The following TENM2 variants were observed in gnomAD, a reference collection of about 807,000 sequenced individuals.
TENM2 encodes teneurin transmembrane protein 2.
In TENM2, 52 loss-of-function variants were observed where a neutral mutation model predicts 245.2. The observed-to-expected ratio is 0.21, with a 90% CI of 0.17 to 0.27. The LOEUF is 0.27. Among genes scored for constraint, TENM2 ranks in the 10% least tolerant of loss-of-function variants. The pLI is 1.00. For synonymous variants in TENM2, 1,363 were observed against 1,438.9 expected (o/e 0.95, Z 1.19); for missense variants, 3,046 against 3,666.8 (o/e 0.83, Z 4.37).
the TENM2 span, among the ~76,000 whole-genome samples, chr5:167,275,677 A>G: frequency 6.6e-6 from 1 of 152,074 alleles, no homozygotes; most frequent in East Asian, 1.9e-4. Flanking sequence ...GTGTATTGAA[A>G]TGCAATTGAT....
chr5:167,342,549 C>A (rs1758175890), intron 1 of TENM2, among the ~76,000 whole-genome samples: 1 of 104,800 alleles, frequency 9.5e-6, no homozygotes, highest in South Asian at 3.4e-4. Context: ...GAGACGGAGT[C>A]TCGCTCTGTC....
intron 5 of TENM2, among the ~76,000 whole-genome samples, chr5:168,011,276 T>C (rs1469362749): frequency 6.6e-6 from 1 of 152,230 alleles, no homozygotes; most frequent in Non-Finnish European, 1.5e-5. Context: ...AAGATTCTCT[T>C]CTTGCATCAG....
the TENM2 span, among the ~76,000 whole-genome samples, chr5:167,112,148 G>A: frequency 3.3e-5 from 5 of 152,116 alleles, no homozygotes; most frequent in African/African-American, 4.8e-5. Flanking sequence ...TTTTCCTGGC[G>A]ACAACTTCAT....
chr5:167,307,774 A>G (rs1755764159), intron 1 of TENM2, among the ~76,000 whole-genome samples: 1 of 152,230 alleles, frequency 6.6e-6, no homozygotes, highest in South Asian at 2.1e-4. Context: ...AAGAGTAAAG[A>G]AAAGTAGAAA....
chr5:167,527,664 T>C (rs1771213609), intron 2 of TENM2, among the ~76,000 whole-genome samples: 1 of 152,184 alleles, frequency 6.6e-6, no homozygotes, highest in South Asian at 2.1e-4. Context: ...TCTCTTATTT[T>C]TTCATCAAAT....
At chr5:168,026,374 G>A (rs1182617935) in intron 5 of TENM2, among the ~76,000 whole-genome samples, 1 of 152,204 alleles carries the variant, frequency 6.6e-6, no homozygotes, top group Non-Finnish European at 1.5e-5. Flanking sequence ...GTGAAGTTAG[G>A]ATGAGCAGCA....
At chr5:167,494,186 A>G (rs1178594946) in intron 2 of TENM2, among the ~76,000 whole-genome samples, 2 of 152,168 alleles carry the variant, frequency 1.3e-5, no homozygotes, top group African/African-American at 4.8e-5. Context: ...GTGGAACTTC[A>G]GATGGAGAAC....
the TENM2 span, among the ~76,000 whole-genome samples, chr5:167,073,106 G>T: frequency 1.3e-5 from 2 of 152,146 alleles, no homozygotes. Flanking sequence ...AAGAGATAAG[G>T]TGTGCGATTT....
chr5:168,127,086 C>T, intron 12 of TENM2, 120 bp downstream of exon 14: 1 of 872,204 alleles, frequency 1.1e-6, no homozygotes, highest in Non-Finnish European at 1.8e-6. Flanking sequence ...TCCAAATCTC[C>T]CAGGGGATAG....
chr5:168,190,167 A>G (rs905664987), intron 13 of TENM2, among the ~76,000 whole-genome samples, 170 bp from the exon 16 acceptor site: 13 of 152,170 alleles, frequency 8.5e-5, no homozygotes, highest in Admixed American at 2.0e-4. Context: ...TTTATTTTCT[A>G]TGTGTATGGA....
chr5:167,001,449 G>T, the TENM2 span, among the ~76,000 whole-genome samples: 1 of 151,848 alleles, frequency 6.6e-6, no homozygotes, highest in Non-Finnish European at 1.5e-5. Context: ...CATGACTTAT[G>T]GGGTTGCAGA....
chr5:167,659,975 T>G (rs987480797), intron 2 of TENM2: 7 of 152,088 alleles, frequency 4.6e-5, no homozygotes, highest in African/African-American at 1.7e-4. Flanking sequence ...ACACCTGAAA[T>G]AAGGTAAAAA....
chr5:167,061,161 C>T, the TENM2 span, among the ~76,000 whole-genome samples: 1 of 152,004 alleles, frequency 6.6e-6, no homozygotes, highest in Non-Finnish European at 1.5e-5. Context: ...GAATGTTAAT[C>T]CCAGTTAATG....
rs180993542 is a variant in TENM2 at position 168,069,007 on chromosome 5, G to A, written c.1515+6742G>A. The stretch of plus-strand genomic sequence containing the variant: ...GTTTTTGTGCAATTTTGAGAGGCAC[G>A]TCCCTTGCCTTAGATATAAAAAAAG... On this transcript the variant is annotated intron_variant, in intron 7 of 28. Coordinates refer to ENST00000518659, the Ensembl canonical transcript of TENM2. Among the ~76,000 whole-genome samples the A allele has an allele frequency of 7.9e-5, 12 of 151,892 alleles. 1 individual carries two copies. The highest frequency in any genetic ancestry group is 2.6e-4 in the Admixed American group (4 of 15,250).
the TENM2 span, among the ~76,000 whole-genome samples, chr5:167,077,784 A>G: frequency 6.6e-6 from 1 of 152,196 alleles, no homozygotes; most frequent in Non-Finnish European, 1.5e-5. Context: ...AGTAATTATA[A>G]AACATTACTG....
the TENM2 span, among the ~76,000 whole-genome samples, chr5:167,118,645 TAAAG>T: frequency 6.6e-6 from 1 of 152,226 alleles, no homozygotes; most frequent in African/African-American, 2.4e-5. Context: ...AGCAAATTAA[TAAAG>T]AAAGAGAGTT....
the TENM2 span, among the ~76,000 whole-genome samples, chr5:167,209,273 T>A: frequency 6.6e-6 from 1 of 152,112 alleles, no homozygotes; most frequent in East Asian, 1.9e-4. Flanking sequence ...TAGTAATTTT[T>A]TTTTTTTTGA....
chr5:168,214,550 C>T (rs1374496606), intron 20 of TENM2, among the ~76,000 whole-genome samples: 1 of 152,164 alleles, frequency 6.6e-6, no homozygotes, highest in East Asian at 1.9e-4. Context: ...TGGGGTGCTT[C>T]CCATGATAAA....
intron 25 of TENM2, among the ~76,000 whole-genome samples, chr5:168,233,485 T>C (rs1286491417): frequency 1.3e-5 from 2 of 152,178 alleles, no homozygotes; most frequent in African/African-American, 4.8e-5. Context: ...GGCGCCTTCT[T>C]AATGTGTAAA....
Sources: allele counts gnomAD v4.1 joint callset (sites outside exome capture counted in the v4.1 genomes callset), GRCh38; gene constraint gnomAD v4.1.1; transcripts MANE v1.5; gene names NCBI Gene and HGNC (gene_info 2026-07-23, HGNC 2026-07-21).